Variants in DYNC2I1 observed in about 807,000 individuals in gnomAD.
The protein encoded by DYNC2I1 is cytoplasmic dynein 2 intermediate chain 1.
Under a neutral mutation model 133.4 loss-of-function variants are expected in DYNC2I1, and 89 were observed. The observed-to-expected ratio is 0.67, with a 90% CI of 0.56 to 0.80. DYNC2I1 has a LOEUF of 0.80. Among genes scored for constraint, DYNC2I1 ranks in the 30% least tolerant of loss-of-function variants. The pLI, the probability that DYNC2I1 is intolerant of heterozygous loss-of-function variation, is 0.00. For synonymous variants in DYNC2I1, 504 were observed against 484.3 expected (o/e 1.04, Z -0.54); for missense variants, 1,291 against 1,314.5 (o/e 0.98, Z 0.28).
In DYNC2I1 at chr7:158,945,658, C is replaced by G; in HGVS notation, c.3080C>G (p.Ser1027Cys). 4 of 1,612,652 alleles carry G rather than the reference C, an allele frequency of 2.5e-6. No homozygotes were observed. The highest frequency in any genetic ancestry group is 3.4e-6 in the Non-Finnish European group (4 of 1,179,444). The change falls in exon 25 of 25, where the codon TCT (serine) becomes TGT (cysteine). Residue 1027 changes from serine (S) to cysteine (C), a missense_variant. Ser to Cys is a moderately radical substitution (Grantham distance 112). Coordinates refer to ENST00000407559, the MANE Select transcript of DYNC2I1 (RefSeq NM_018051.5). This position sits in a 1 kb window ranked among gnomAD's most constrained non-coding sequence, Gnocchi z 4.1. ...CTGGCCCTGGTGCTGGCCAGGGCGT[C>G]TGGCTCCATCGACATCCAGCACCTG... ...SFLALVLARA[S>C]GSIDIQHLKR... is the part of the protein sequence containing the mutation.
intron 21 of DYNC2I1, 60 bp from the exon 22 acceptor site, chr7:158,934,069 A>G: frequency 2.5e-6 from 3 of 1,185,830 alleles, no homozygotes; most frequent in Non-Finnish European, 3.7e-6. Context: ...TGTTAATACC[A>G]TCATTATTCT....
intron 5 of DYNC2I1, among the ~76,000 whole-genome samples, chr7:158,883,178 G>A (rs576410503): frequency 6.6e-6 from 1 of 150,742 alleles, no homozygotes; most frequent in East Asian, 2.0e-4. Flanking sequence ...TGTTCTCTGT[G>A]ATTCTCTCTC....
chr7:158,855,072 C>T (rs777328078), upstream of DYNC2I1, among the ~76,000 whole-genome samples: 5 of 152,176 alleles, frequency 3.3e-5, no homozygotes, highest in South Asian at 4.1e-4. Context: ...TCACCTTGCC[C>T]GCTGCCTAGA....
downstream of DYNC2I1, among the ~76,000 whole-genome samples, chr7:158,947,025 TGC>T (rs531716317): frequency 3.2e-4 from 49 of 152,320 alleles, no homozygotes; most frequent in South Asian, 8.5e-3. Context: ...AGCCTTTCTT[TGC>T]TTTTTAATCA....
At position 158,911,914 on chromosome 7, in the gene DYNC2I1, C is replaced by T. The variant is rs557249978; in HGVS notation, c.1590+235C>T. Among the ~76,000 whole-genome samples, 42 of 152,294 alleles carry T rather than the reference C, an allele frequency of 2.8e-4. No homozygotes were observed. The East Asian group carries it at 8.1e-3, about 29-fold the overall frequency. ...TTCAGGAGCTCTGGTGGGTGATCTG[C>T]TCGGAATGGGGACAGAATGGCTGCT... On this transcript the variant is annotated intron_variant, in intron 12 of 24. Transcript: ENST00000407559.
intron 1 of DYNC2I1, among the ~76,000 whole-genome samples, chr7:158,864,031 T>C (rs1246605449): frequency 9.6e-6 from 1 of 103,882 alleles, no homozygotes; most frequent in Non-Finnish European, 1.9e-5. Flanking sequence ...TCCTTAGCTC[T>C]GGGTGTGGCG....
intron 1 of DYNC2I1, among the ~76,000 whole-genome samples, chr7:158,857,112 T>C (rs1359861351): frequency 2.0e-5 from 3 of 152,228 alleles, no homozygotes; most frequent in African/African-American, 7.2e-5. Flanking sequence ...AAATTTTAGC[T>C]GACTTAAGTT....
chr7:158,951,531 A>G (rs573744839), intron 4 of DYNC2I1, among the ~76,000 whole-genome samples: 100 of 152,334 alleles, frequency 6.6e-4, no homozygotes, highest in African/African-American at 2.3e-3. Flanking sequence ...GCGTGTTCCT[A>G]CCAGCCACAG....
chr7:158,940,498 A>G (rs1199433196), intron 23 of DYNC2I1, among the ~76,000 whole-genome samples: 2 of 152,192 alleles, frequency 1.3e-5, no homozygotes, highest in Non-Finnish European at 2.9e-5. Context: ...TAGGCCTAAC[A>G]TTTACAGAAT....
chr7:158,892,418 A>G (rs1252546780), intron 8 of DYNC2I1, among the ~76,000 whole-genome samples: 1 of 151,944 alleles, frequency 6.6e-6, no homozygotes. Flanking sequence ...GACCTTATTT[A>G]TTTTTATAAG....
At position 158,862,423 on chromosome 7, in the gene DYNC2I1, G is replaced by A. The variant is rs566018593; in HGVS notation, c.15+5673G>A. On this transcript the variant is annotated intron_variant, in intron 1 of 24. Coordinates refer to ENST00000407559, the MANE Select transcript of DYNC2I1 (RefSeq NM_018051.5). ...TTCTGGTGTCCAGTGTATGACATTG[G>A]TAGGTTAATTTATGGCTATTGGCCA... Among the ~76,000 whole-genome samples, 6 of 152,162 alleles carry A rather than the reference G, an allele frequency of 3.9e-5. No individual in the cohort carries two copies. The South Asian group carries it at 8.3e-4, about 21-fold the overall frequency.
intron 20 of DYNC2I1, among the ~76,000 whole-genome samples, chr7:158,929,590 G>A (rs959295903): frequency 2.6e-5 from 4 of 152,254 alleles, no homozygotes; most frequent in African/African-American, 4.8e-5. Flanking sequence ...GAATAGTGGC[G>A]TTGACCCTTC....
intron 21 of DYNC2I1, among the ~76,000 whole-genome samples, chr7:158,932,554 G>C (rs1850327966): frequency 6.6e-6 from 1 of 151,898 alleles, no homozygotes. Context: ...GCCCTAACGA[G>C]TCTGTCTGCC....
At chr7:158,950,055 G>A (rs962396115), downstream of DYNC2I1, among the ~76,000 whole-genome samples, 2 of 152,186 alleles carry the variant, frequency 1.3e-5, no homozygotes, top group Non-Finnish European at 2.9e-5. Context: ...ACAGGCATGA[G>A]CCACCGTGCC....
At chr7:158,902,354 A>G in intron 9 of DYNC2I1, 22 bp from the exon 10 acceptor site, 1 of 1,601,854 alleles carries the variant, frequency 6.2e-7, no homozygotes, top group Non-Finnish European at 8.5e-7. Context: ...AAAGGGTTCC[A>G]AAAGATTATT....
Position 158,911,680 on chromosome 7 carries a change from G to T in DYNC2I1, c.1590+1G>T. On this transcript the variant is annotated splice_donor_variant, in intron 12 of 24. Coordinates refer to ENST00000407559, the MANE Select transcript of DYNC2I1 (RefSeq NM_018051.5). LOFTEE classifies it high-confidence loss of function. Reference sequence around the variant, plus strand: ...CTTTGGGAAAAAAAATACCAAGCAGGTAAGTATGAGATGTGTTAACTAAGT... The same window carrying T: ...CTTTGGGAAAAAAAATACCAAGCAGTTAAGTATGAGATGTGTTAACTAAGT... The T allele has an allele frequency of 6.2e-7, 1 of 1,609,250 alleles. No homozygotes were observed. Among genetic ancestry groups the T allele is most frequent in the Non-Finnish European group, 8.5e-7 (1 of 1,178,502 alleles).
rs865812640 is a variant in DYNC2I1, at chr7:158,915,903, T to G, written c.1791+1582T>G. ...CACGCTGGTTGAGATTAAGGATGATTGTGAAACGTCGACACGCTGGTTGAC... is the reference window on the plus strand; with the variant it reads ...CACGCTGGTTGAGATTAAGGATGATGGTGAAACGTCGACACGCTGGTTGAC... On this transcript the variant is annotated intron_variant, in intron 14 of 24. Transcript: ENST00000407559. Among the ~76,000 whole-genome samples the G allele has an allele frequency of 6.2e-3, 908 of 145,656 alleles. 10 individuals are homozygous for G. Among genetic ancestry groups the G allele is most frequent in the Non-Finnish European group, 9.4e-3 (624 of 66,190 alleles).
intron 4 of DYNC2I1, among the ~76,000 whole-genome samples, chr7:158,952,279 G>T (rs1852078368): frequency 6.6e-6 from 1 of 152,316 alleles, no homozygotes; most frequent in Middle Eastern, 3.4e-3. Context: ...TTCTGAGGAG[G>T]TTCCCCAGTG....
rs554231270 is a variant in DYNC2I1 at position 158,890,034 on chromosome 7, G to A, written c.991-1231G>A. Reference sequence around the variant, plus strand: ...AAAAAAAAAAAAAAAAAAAAATAGAGGTAGGGTCTTGCTCTGTTGCCCAGG... The same window carrying A: ...AAAAAAAAAAAAAAAAAAAAATAGAAGTAGGGTCTTGCTCTGTTGCCCAGG... On this transcript the variant is annotated intron_variant, in intron 7 of 24. Coordinates refer to ENST00000407559, the MANE Select transcript of DYNC2I1 (RefSeq NM_018051.5). 3.4e-5 allele frequency among the ~76,000 whole-genome samples: 5 copies of A among 147,716 alleles called. No individual in the cohort carries two copies. The South Asian group carries it at 1.1e-3, about 32-fold the overall frequency.
Sources: gnomAD v4.1 joint callset for allele counts (sites outside exome capture counted in the v4.1 genomes callset) on GRCh38, gnomAD v4.1.1 for gene constraint, Gnocchi (gnomAD v3.1) non-coding constraint, MANE v1.5 for transcripts, NCBI Gene and HGNC (gene_info 2026-07-23, HGNC 2026-07-21) for gene names.